The following RNASEH1 variants were observed in gnomAD, a reference collection of about 807,000 sequenced individuals.
RNASEH1 encodes ribonuclease H1.
Under a neutral mutation model 34.6 loss-of-function variants are expected in RNASEH1, and 27 were observed. The observed-to-expected ratio is 0.78, with a 90% CI of 0.58 to 1.08. The LOEUF (loss-of-function observed/expected upper bound fraction) is 1.08, where lower values mean the gene tolerates loss of function less well. RNASEH1 is among the 50% of genes least tolerant of loss of function. RNASEH1 has a pLI of 0.00. For missense variants in RNASEH1, 349 were observed against 373.6 expected, an observed-to-expected ratio of 0.93 and a Z score of 0.54; for synonymous variants, 162 against 138.4, an observed-to-expected ratio of 1.17 and a Z score of -1.20.
In RNASEH1 at chr2:3,544,513, A is replaced by G. The variant is rs1368201118; in HGVS notation, c.*1272T>C. Among the ~76,000 whole-genome samples the G allele has an allele frequency of 2.0e-5, 3 of 152,214 alleles. No homozygotes were observed. Among genetic ancestry groups the G allele is most frequent in the African/African-American group, 7.2e-5 (3 of 41,466 alleles). ...AGACTAAACTGCCATCAAAAAACCA[A>G]GAAAGTCATTTCTGTAAAAGTCAGG... On this transcript the variant is annotated 3_prime_UTR_variant, in exon 8 of 8. Coordinates refer to ENST00000315212, the MANE Select transcript of RNASEH1 (RefSeq NM_002936.6).
At chr2:3,556,429 C>G (rs537130533) in intron 2 of RNASEH1, among the ~76,000 whole-genome samples, 8 of 151,880 alleles carry the variant, frequency 5.3e-5, no homozygotes, top group Non-Finnish European at 1.2e-4. Flanking sequence ...CCTCAGCCTC[C>G]CGAGTAGCTG....
chr2:3,556,715 T>C (rs1454088217), intron 2 of RNASEH1, 74 bp downstream of exon 2: 5 of 954,898 alleles, frequency 5.2e-6, no homozygotes, highest in Non-Finnish European at 3.4e-6. Context: ...GGTAGCTATA[T>C]AGATCAAATG....
At chr2:3,547,384 C>T (rs1340401659) in intron 7 of RNASEH1, among the ~76,000 whole-genome samples, 1 of 152,030 alleles carries the variant, frequency 6.6e-6, no homozygotes, top group African/African-American at 2.4e-5. Context: ...CCATGTTATC[C>T]AGGCTGGTCT....
the RNASEH1 span, among the ~76,000 whole-genome samples, chr2:3,534,461 A>C: frequency 1.3e-5 from 2 of 152,246 alleles, no homozygotes; most frequent in South Asian, 4.1e-4. Context: ...CTGCTCGCCA[A>C]GTCACAGGTG....
Position 3,556,808 on chromosome 2 carries a change from T to C in RNASEH1, c.225A>G (p.Ala75=). The change falls in exon 2 of 8, where the codon GCA becomes GCG. Residue 75 remains alanine (A), a synonymous_variant. Coordinates refer to ENST00000315212, the MANE Select transcript of RNASEH1 (RefSeq NM_002936.6). ...DEAWAFVRKS[A]SPEVSEGHEN... ...GACTACCTTCTGAAACTTCCGGGCT[T>C]GCAGATTTCCTGACAAAGGCCCAGG... The C allele has an allele frequency of 1.2e-6, 2 of 1,613,702 alleles. No individual in the cohort carries two copies. The highest frequency in any genetic ancestry group is 1.7e-6 in the Non-Finnish European group (2 of 1,179,572).
In RNASEH1 at chr2:3,544,025, C is replaced by T. The variant is rs774464455; in HGVS notation, c.*1760G>A. On this transcript the variant is annotated 3_prime_UTR_variant, in exon 8 of 8. Coordinates refer to ENST00000315212, the MANE Select transcript of RNASEH1 (RefSeq NM_002936.6). ...CAAGAGCAAAGAATCAAGCATTTAT[C>T]CTGCCCTTCCTATATGAACTGTACC... Among the ~76,000 whole-genome samples the T allele has an allele frequency of 6.6e-6, 1 of 152,204 alleles. No homozygotes were observed. Among genetic ancestry groups the T allele is most frequent in the Non-Finnish European group, 1.5e-5 (1 of 68,040 alleles).
chr2:3,551,697 G>A (rs1268568448), intron 3 of RNASEH1, among the ~76,000 whole-genome samples: 3 of 152,108 alleles, frequency 2.0e-5, no homozygotes, highest in Admixed American at 6.6e-5. Flanking sequence ...CTGATTCCTG[G>A]AGTGAAAGGT....
chr2:3,545,990 C>T (rs536798061), intron 7 of RNASEH1, 119 bp from the exon 8 acceptor site: 24 of 711,910 alleles, frequency 3.4e-5, no homozygotes, highest in East Asian at 2.1e-4. Flanking sequence ...TCAACTTCAA[C>T]GCTCCTCTCC....
chr2:3,547,110 A>C lies in RNASEH1; in HGVS notation c.774+821T>G, dbSNP rs551854398. Among the ~76,000 whole-genome samples, 8 of 152,232 alleles carry C rather than the reference A, an allele frequency of 5.3e-5. No homozygotes were observed. In the South Asian group the frequency reaches 1.4e-3, roughly 28 times the overall value. ...GGGGTGACAGAGTGAGACCTGTCTC[A>C]AAAACCAAACCAAAAAACTGTATTA... On this transcript the variant is annotated intron_variant, in intron 7 of 7. Transcript: ENST00000315212.
intron 2 of RNASEH1, 91 bp from the exon 3 acceptor site, chr2:3,552,399 C>G: frequency 7.8e-7 from 1 of 1,284,316 alleles, no homozygotes; most frequent in Non-Finnish European, 1.1e-6. Context: ...TATTTAGTAT[C>G]ATTAAATCAG....
At chr2:3,553,925 A>G (rs1049573309) in intron 2 of RNASEH1, among the ~76,000 whole-genome samples, 4 of 152,172 alleles carry the variant, frequency 2.6e-5, no homozygotes, top group East Asian at 3.8e-4. Context: ...TTTTCCTTAC[A>G]TGGAGTGAAA....
intron 2 of RNASEH1, among the ~76,000 whole-genome samples, chr2:3,554,025 A>G (rs1472211403): frequency 6.6e-6 from 1 of 152,198 alleles, no homozygotes; most frequent in East Asian, 1.9e-4. Flanking sequence ...CTCCTAAACC[A>G]GGGATGGAGA....
chr2:3,539,753 C>T (rs1331514099), downstream of RNASEH1, among the ~76,000 whole-genome samples: 1 of 152,154 alleles, frequency 6.6e-6, no homozygotes, highest in Non-Finnish European at 1.5e-5. Context: ...TGCTCCAGAA[C>T]TACTAGAATA....
At chr2:3,558,028 G>A (rs754146114) in intron 1 of RNASEH1, 105 bp downstream of exon 1, 9 of 1,480,346 alleles carry the variant, frequency 6.1e-6, no homozygotes, top group Non-Finnish European at 8.1e-6. Context: ...ACAGCGCGCG[G>A]CACAGACTCG....
intron 6 of RNASEH1, 121 bp downstream of exon 6, chr2:3,548,519 T>C: frequency 1.5e-6 from 1 of 648,960 alleles, no homozygotes; most frequent in South Asian, 1.8e-5. Flanking sequence ...CTTTGCTCGG[T>C]ACCTGACAAA....
At chr2:3,532,673 G>A in the RNASEH1 span, among the ~76,000 whole-genome samples, 2 of 152,122 alleles carry the variant, frequency 1.3e-5, no homozygotes, top group African/African-American at 4.8e-5. Flanking sequence ...GCAAAAACAC[G>A]GTATCATCAT....
At chr2:3,552,367 A>G in intron 2 of RNASEH1, 59 bp from the exon 3 acceptor site, 1 of 1,496,130 alleles carries the variant, frequency 6.7e-7, no homozygotes, top group Non-Finnish European at 9.2e-7. Flanking sequence ...GAAATGCTAG[A>G]GAATGAAGAC....
In RNASEH1 at chr2:3,558,298, G is replaced by C; in HGVS notation, c.-38C>G. The stretch of plus-strand genomic sequence containing the variant: ...GCACCGGGAAGCATTTCGACTCCCG[G>C]CCCAGCGTGGGCGCGAGCCGCCGGC... On this transcript the variant is annotated 5_prime_UTR_variant, in exon 1 of 8. Transcript: ENST00000315212. The C allele has an allele frequency of 2.7e-6, 4 of 1,499,812 alleles. No individual in the cohort carries two copies. The highest frequency in any genetic ancestry group is 1.3e-5 in the South Asian group (1 of 76,772). 92.9% of individuals were successfully genotyped at this position (1,499,812 alleles called of 1,614,324 possible). A position where few individuals can be genotyped will look rare whatever the true frequency, so the allele number is the denominator to read the frequency against.
intron 3 of RNASEH1, among the ~76,000 whole-genome samples, chr2:3,550,893 C>T (rs1395137058): frequency 1.3e-5 from 2 of 152,244 alleles, no homozygotes; most frequent in Non-Finnish European, 2.9e-5. Flanking sequence ...AGTCTCCTGA[C>T]CAGTGCTGGT....
Sources: allele counts gnomAD v4.1 joint callset (sites outside exome capture counted in the v4.1 genomes callset), GRCh38; gene constraint gnomAD v4.1.1; transcripts MANE v1.5; gene names NCBI Gene and HGNC (gene_info 2026-07-23, HGNC 2026-07-21).